The following VWA2 variants were observed in gnomAD, a reference collection of about 807,000 sequenced individuals.
The protein encoded by VWA2 is von Willebrand factor A domain containing 2, also known as von Willebrand factor A domain-containing protein 2.
Under a neutral mutation model 70.4 loss-of-function variants are expected in VWA2, and 73 were observed. The ratio of observed to expected loss-of-function variants is 1.04; its 90% CI spans 0.86 to 1.26. The LOEUF (loss-of-function observed/expected upper bound fraction) is 1.26. Ranked by LOEUF, VWA2 falls within the 50% of genes most tolerant of loss-of-function variation. The probability of loss-of-function intolerance (pLI) is 0.00; values close to 1 mark genes in which losing one functional copy is unlikely to be tolerated. For synonymous variants in VWA2, 407 were observed against 423.3 expected, an observed-to-expected ratio of 0.96 and a Z score of 0.47; for missense variants, 1,011 against 998.5, an observed-to-expected ratio of 1.01 and a Z score of -0.17.
chr10:114,260,316 C>T (rs12773316), intron 4 of VWA2, among the ~76,000 whole-genome samples: 11,370 of 152,260 alleles, frequency 0.075, 538 homozygotes, highest in Middle Eastern at 0.14. Context: ...ATGGCCTCCT[C>T]AGTTAGGACA....
intron 1 of VWA2, among the ~76,000 whole-genome samples, chr10:114,244,628 C>T (rs537850630): frequency 8.6e-6 from 1 of 116,058 alleles, no homozygotes; most frequent in South Asian, 2.4e-4. Flanking sequence ...GTGGAATTCA[C>T]CCTTTAAAAA....
In VWA2 at chr10:114,293,564, G is replaced by A. The variant is rs997441627; in HGVS notation, c.*2327G>A. ...TCCCCCAGGAAAGTGCTATCCTATG[G>A]CCTAACTAGCCAAGCCTTTTTTCTT... On this transcript the variant is annotated 3_prime_UTR_variant, in exon 14 of 14. Coordinates refer to ENST00000392982, the MANE Select transcript of VWA2 (RefSeq NM_001272046.2). Among the ~76,000 whole-genome samples the A allele has an allele frequency of 6.6e-6, 1 of 152,114 alleles. No individual in the cohort carries two copies. Among genetic ancestry groups the A allele is most frequent in the Non-Finnish European group, 1.5e-5 (1 of 68,040 alleles).
Position 114,285,846 on chromosome 10 carries a change from C to G in VWA2, c.998-93C>G. On this transcript the variant is annotated intron_variant, in intron 10 of 13. Coordinates refer to ENST00000392982, the MANE Select transcript of VWA2 (RefSeq NM_001272046.2). ...GGGGCCCACAGTTTCTCTGCACCAT[C>G]TCCCTCCTGGGAGATGTTCGGCATC... 3 of 1,328,642 alleles carry G rather than the reference C, an allele frequency of 2.3e-6. No individual in the cohort carries two copies. The South Asian group carries it at 4.5e-5, about 20-fold the overall frequency. The allele number at this position is 1,328,642 out of a possible 1,614,324, so 82.3% of individuals were successfully genotyped here.
rs895061364 is a variant in VWA2 at position 114,248,731 on chromosome 10, G to A, written c.18G>A (p.Leu6=). 3 of 1,613,554 alleles carry A rather than the reference G, an allele frequency of 1.9e-6. No individual in the cohort carries two copies. The highest frequency in any genetic ancestry group is 1.3e-5 in the African/African-American group (1 of 74,858). ...ATATCAACATGCCCCCTTTCCTGTTGCTGGAAGCCGTCTGTGTTTTCCTGT... is the reference window on the plus strand; with the variant it reads ...ATATCAACATGCCCCCTTTCCTGTTACTGGAAGCCGTCTGTGTTTTCCTGT... The part of the protein sequence containing the change: MPPFL[L]LEAVCVFLFS... The change falls in exon 2 of 14, where the codon TTG becomes TTA. Residue 6 remains leucine, a synonymous_variant. Transcript: ENST00000392982.
chr10:114,240,097 C>T (rs1589731400), intron 1 of VWA2, among the ~76,000 whole-genome samples: 1 of 152,304 alleles, frequency 6.6e-6, no homozygotes, highest in East Asian at 1.9e-4. Context: ...AGAACGAGTG[C>T]CCCCAGCGAA....
chr10:114,278,143 T>G lies in VWA2; in HGVS notation c.700+96T>G, dbSNP rs112179646. On this transcript the variant is annotated intron_variant, in intron 7 of 13. Coordinates refer to ENST00000392982, the MANE Select transcript of VWA2 (RefSeq NM_001272046.2). ...TCAGGACCCAGGAGCCTCCCAAGGA[T>G]GGAGGGCAGGCAAGAGAAACAGAGA... is the stretch of plus-strand genomic sequence containing the variant. 1,905 of 1,495,092 alleles carry G rather than the reference T, an allele frequency of 1.3e-3. 22 individuals are homozygous for G. The African/African-American group carries it at 0.024, about 19-fold the overall frequency. The allele number at this position is 1,495,092 out of a possible 1,614,324, so 92.6% of individuals were successfully genotyped here.
At position 114,291,456 on chromosome 10, in the gene VWA2, A is replaced by T; in HGVS notation, c.*219A>T. 1.8e-6 allele frequency: 1 copy of T among 551,526 alleles called. No individual in the cohort carries two copies. The highest frequency in any genetic ancestry group is 3.1e-6 in the Non-Finnish European group (1 of 320,682). 34.2% of individuals were successfully genotyped at this position (551,526 alleles called of 1,614,324 possible). ...TAGAGACAAGAAAGCAGCTGATGTC[A>T]CCCACAAACGATGTTGTTGAAAAGT... On this transcript the variant is annotated 3_prime_UTR_variant, in exon 14 of 14. Transcript: ENST00000392982.
chr10:114,285,961 C>A lies in VWA2; in HGVS notation c.1020C>A (p.Cys340Ter). The A allele has an allele frequency of 1.2e-6, 2 of 1,603,938 alleles. No homozygotes were observed. Among genetic ancestry groups the A allele is most frequent in the Non-Finnish European group, 1.7e-6 (2 of 1,173,152 alleles). Residue 340 changes from cysteine to a stop codon, truncating the protein, a stop_gained, in exon 11 of 14, where the codon TGC (cysteine) becomes TGA (stop). Coordinates refer to ENST00000392982, the MANE Select transcript of VWA2 (RefSeq NM_001272046.2). LOFTEE classifies it high-confidence loss of function. ...ANCALKLSLECRVDLLFLLDS... is the reference protein window; with the variant it reads ...ANCALKLSLE ...CAGCCCTGAAGCTGAGCCTGGAATG[C>A]AGGGTCGACCTCCTCTTCCTGCTGG...
intron 8 of VWA2, chr10:114,281,392 G>A (rs2038102908): frequency 1.3e-5 from 2 of 152,318 alleles, no homozygotes; most frequent in Non-Finnish European, 2.9e-5. Context: ...TGGAGTCATG[G>A]TCAGGGTTTG....
At chr10:114,257,957 A>G (rs1455757538) in intron 4 of VWA2, among the ~76,000 whole-genome samples, 1 of 152,216 alleles carries the variant, frequency 6.6e-6, no homozygotes, top group African/African-American at 2.4e-5. Flanking sequence ...AGAGCAGACA[A>G]TGGCTCTGTT....
At chr10:114,271,442 C>A (rs1193842536) in intron 5 of VWA2, among the ~76,000 whole-genome samples, 2 of 152,190 alleles carry the variant, frequency 1.3e-5, no homozygotes, top group Non-Finnish European at 2.9e-5. Flanking sequence ...AATCTTCATG[C>A]TCTTTCCTTG....
In VWA2 at chr10:114,289,634, T is replaced by C. The variant is rs2039354903; in HGVS notation, c.2122+145T>C. The C allele has an allele frequency of 1.6e-5, 14 of 875,284 alleles. No homozygotes were observed. In the South Asian group the frequency reaches 2.1e-4, roughly 13 times the overall value. 54.2% of individuals were successfully genotyped at this position (875,284 alleles called of 1,614,324 possible). On this transcript the variant is annotated intron_variant, in intron 12 of 13. Transcript: ENST00000392982. Reference sequence around the variant, plus strand: ...GTGCCAGGTTCTGTGCTAAACCCCATGCTCACATAAAATCCTACAGTAGGC... The same window carrying C: ...GTGCCAGGTTCTGTGCTAAACCCCACGCTCACATAAAATCCTACAGTAGGC...
In VWA2 at chr10:114,248,802, G is replaced by A. The variant is rs139931889; in HGVS notation, c.52+37G>A. 474 of 1,587,976 alleles carry A rather than the reference G, an allele frequency of 3.0e-4. 4 individuals are homozygous for A. In the East Asian group the frequency reaches 4.1e-3, roughly 14 times the overall value. ...TTATTGGTGGTGGGGAAGTACTGGC[G>A]TGTTGAGTAGGGGGGTTGCTTGCTT... On this transcript the variant is annotated intron_variant, in intron 2 of 13. Coordinates refer to ENST00000392982, the MANE Select transcript of VWA2 (RefSeq NM_001272046.2).
At chr10:114,277,590 T>C (rs769933310) in intron 6 of VWA2, among the ~76,000 whole-genome samples, 1 of 152,244 alleles carries the variant, frequency 6.6e-6, no homozygotes, top group Non-Finnish European at 1.5e-5. Context: ...CAAACAGCGC[T>C]GCCCTATGGC....
At chr10:114,288,377 G>A (rs2039166395) in intron 11 of VWA2, among the ~76,000 whole-genome samples, 1 of 152,168 alleles carries the variant, frequency 6.6e-6, no homozygotes, top group Non-Finnish European at 1.5e-5. Flanking sequence ...AGCAGGCATG[G>A]GCCCATTTTG....
At chr10:114,241,942 A>G (rs1321460721) in intron 1 of VWA2, among the ~76,000 whole-genome samples, 2 of 129,854 alleles carry the variant, frequency 1.5e-5, no homozygotes, top group African/African-American at 5.8e-5. Context: ...TCTGTTGGTG[A>G]TTGTGTGTGT....
At chr10:114,278,600 C>A in intron 7 of VWA2, 119 bp from the exon 8 acceptor site, 1 of 1,454,760 alleles carries the variant, frequency 6.9e-7, no homozygotes, top group Non-Finnish European at 9.4e-7. Context: ...AGAAAGTGGC[C>A]AGCCTGGAAG....
intron 9 of VWA2, 34 bp from the exon 10 acceptor site, chr10:114,284,829 G>A (rs750369409): frequency 1.9e-6 from 3 of 1,571,348 alleles, no homozygotes; most frequent in South Asian, 1.2e-5. Flanking sequence ...TCTGTGCTGC[G>A]GTGCTTAGCG....
chr10:114,256,223 G>A (rs1378201422), intron 4 of VWA2, among the ~76,000 whole-genome samples: 1 of 152,240 alleles, frequency 6.6e-6, no homozygotes, highest in African/African-American at 2.4e-5. Flanking sequence ...TGTACGCTGA[G>A]GGAGGACAGA....
Sources: gnomAD v4.1 joint callset for allele counts (sites outside exome capture counted in the v4.1 genomes callset) on GRCh38, gnomAD v4.1.1 for gene constraint, MANE v1.5 for transcripts, NCBI Gene and HGNC (gene_info 2026-07-23, HGNC 2026-07-21) for gene names.